The following PKHD1 variants were observed in gnomAD, a reference collection of about 807,000 sequenced individuals.
The protein encoded by PKHD1 is fibrocystin.
Under a neutral mutation model 412.0 loss-of-function variants are expected in PKHD1, and 291 were observed. That is an observed-to-expected ratio of 0.71 (90% CI 0.64 to 0.78). The LOEUF (loss-of-function observed/expected upper bound fraction) is 0.78. PKHD1 is among the 30% of genes least tolerant of loss of function. PKHD1 has a pLI of 0.00. For synonymous variants in PKHD1, 1,777 were observed against 1,821.5 expected, an observed-to-expected ratio of 0.98 and a Z score of 0.62; for missense variants, 4,825 against 4,950.7, an observed-to-expected ratio of 0.97 and a Z score of 0.76.
rs1174461021 is a variant in PKHD1, at chr6:52,082,558, G to C, written c.131-16C>G. The stretch of plus-strand genomic sequence containing the variant: ...AACTCCAAACCTAACACAAGGGAAA[G>C]AAATCTCAGGCTGCATAGAATTGTC... On this transcript the variant is annotated splice_polypyrimidine_tract_variant and intron_variant, in intron 3 of 66. Coordinates refer to ENST00000371117, the MANE Select transcript of PKHD1 (RefSeq NM_138694.4). 3.7e-6 allele frequency: 6 copies of C among 1,613,634 alleles called. No homozygotes were observed. Among genetic ancestry groups the C allele is most frequent in the Non-Finnish European group, 4.2e-6 (5 of 1,179,568 alleles).
chr6:51,998,325 A>C (rs1583804320), intron 35 of PKHD1, among the ~76,000 whole-genome samples: 2 of 152,192 alleles, frequency 1.3e-5, no homozygotes, highest in East Asian at 3.8e-4. Context: ...AAAGGCTGGG[A>C]AGGGAAGTGC....
intron 52 of PKHD1, among the ~76,000 whole-genome samples, chr6:51,798,591 G>T (rs2182506): frequency 0.59 from 89,740 of 151,832 alleles, 27,178 homozygotes; most frequent in East Asian, 0.83. Context: ...AATTTGATGA[G>T]TATGTGTCTA....
intron 37 of PKHD1, among the ~76,000 whole-genome samples, chr6:51,924,372 G>C (rs1785192997): frequency 6.6e-6 from 1 of 152,156 alleles, no homozygotes; most frequent in Admixed American, 6.5e-5. Context: ...AAGGGGGAGA[G>C]TTGAAAAACA....
intron 52 of PKHD1, among the ~76,000 whole-genome samples, chr6:51,800,434 GC>G (rs758106966): frequency 5.3e-5 from 8 of 152,182 alleles, no homozygotes; most frequent in African/African-American, 1.2e-4. Flanking sequence ...GCATTAACTA[GC>G]CTCAAGACCA....
intron 60 of PKHD1, among the ~76,000 whole-genome samples, chr6:51,667,107 G>C (rs112707776): frequency 0.087 from 12,834 of 146,884 alleles, 590 homozygotes; most frequent in East Asian, 0.13. Flanking sequence ...CTAGATCCCT[G>C]AGGAATCGCC....
At chr6:52,061,265 G>A (rs767221887) in intron 14 of PKHD1, among the ~76,000 whole-genome samples, 60 of 152,050 alleles carry the variant, frequency 3.9e-4, no homozygotes, top group African/African-American at 8.9e-4. Flanking sequence ...ATCATGGCTC[G>A]CTGCAGCCCT....
intron 43 of PKHD1, among the ~76,000 whole-genome samples, chr6:51,895,702 C>A (rs572343224): frequency 1.3e-5 from 2 of 152,122 alleles, no homozygotes; most frequent in Non-Finnish European, 2.9e-5. Context: ...GTCTACAGCT[C>A]CCAGTGTGAG....
chr6:51,888,417 A>T (rs937837715), intron 43 of PKHD1, among the ~76,000 whole-genome samples: 3 of 152,174 alleles, frequency 2.0e-5, no homozygotes, highest in East Asian at 3.9e-4. Context: ...AAGACAAATT[A>T]AAAAACTGAC....
rs148497044 is a variant in PKHD1, at chr6:51,906,336, A to G, written c.6687T>C (p.Ser2229=). Reference sequence around the variant, plus strand: ...TCCTCACTGTGCAGCCCTGTATGAAAGACTCTGAATAGGAAAGAGTAAAGT... The same window carrying G: ...TCCTCACTGTGCAGCCCTGTATGAAGGACTCTGAATAGGAAAGAGTAAAGT... ...SLTLVGAMRE[S]FIQGCTVRNS... is the part of the protein sequence containing the mutation. Residue 2229 remains serine (S), a synonymous_variant, in exon 41 of 67, where the codon TCT becomes TCC. Coordinates refer to ENST00000371117, the MANE Select transcript of PKHD1 (RefSeq NM_138694.4). 169 of 1,611,486 alleles carry G rather than the reference A, an allele frequency of 1.0e-4. No individual in the cohort carries two copies. Among genetic ancestry groups the G allele is most frequent in the Non-Finnish European group, 1.3e-4 (154 of 1,177,856 alleles).
rs1339962004 is a variant in PKHD1, at chr6:51,748,500, T to C, written c.9116A>G (p.Asn3039Ser). 2 of 1,613,992 alleles carry C rather than the reference T, an allele frequency of 1.2e-6. No individual in the cohort carries two copies. Among genetic ancestry groups the C allele is most frequent in the African/African-American group, 2.7e-5 (2 of 75,042 alleles). ...AGCTGTGCCAAACACAATATTGTCA[T>C]TTAAAAGTACTCCATGACTGGCAGC... ...HAAASHGVLL[N>S]DNIVFGTAGH... Residue 3039 changes from asparagine to serine, a missense_variant, in exon 58 of 67, where the codon AAT becomes AGT. Transcript: ENST00000371117.
chr6:51,739,156 A>G (rs561258846), intron 60 of PKHD1, among the ~76,000 whole-genome samples: 1 of 148,446 alleles, frequency 6.7e-6, no homozygotes, highest in South Asian at 2.1e-4. Flanking sequence ...ACACACATAT[A>G]AAATATACTC....
chr6:51,937,616 A>G (rs934518720), intron 36 of PKHD1, among the ~76,000 whole-genome samples: 2 of 152,198 alleles, frequency 1.3e-5, no homozygotes, highest in Non-Finnish European at 2.9e-5. Flanking sequence ...ATATGCCATC[A>G]GTAATAGTCA....
chr6:51,799,583 A>G (rs946361142), intron 52 of PKHD1, among the ~76,000 whole-genome samples: 2 of 152,200 alleles, frequency 1.3e-5, no homozygotes, highest in African/African-American at 4.8e-5. Flanking sequence ...CACATGCCAT[A>G]TAGAGATTTT....
chr6:51,803,863 C>T (rs929937680), intron 52 of PKHD1, among the ~76,000 whole-genome samples: 2 of 151,200 alleles, frequency 1.3e-5, no homozygotes, highest in African/African-American at 2.5e-5. Flanking sequence ...CCCATCACCA[C>T]GCCTGGCTAA....
In PKHD1 at chr6:52,076,166, T is replaced by A. The variant is rs929746413; in HGVS notation, c.448+110A>T. 11 of 766,704 alleles carry A rather than the reference T, an allele frequency of 1.4e-5. No homozygotes were observed. The African/African-American group carries it at 1.9e-4, about 13-fold the overall frequency. The allele number at this position is 766,704 out of a possible 1,614,324, so 47.5% of individuals were successfully genotyped here. On this transcript the variant is annotated intron_variant, in intron 6 of 66. Transcript: ENST00000371117. ...GTTGACTCTTATTTTCAAAACAGCA[T>A]CAAAGAAGAAGTTAAATTTTCCCAC...
At chr6:51,881,360 T>C (rs538767169) in intron 46 of PKHD1, among the ~76,000 whole-genome samples, 11 of 152,244 alleles carry the variant, frequency 7.2e-5, no homozygotes, top group African/African-American at 2.2e-4. Flanking sequence ...GCAGCCAAAA[T>C]CCACTTATTT....
intron 43 of PKHD1, among the ~76,000 whole-genome samples, chr6:51,890,487 A>G (rs956917414): frequency 6.6e-5 from 10 of 152,140 alleles, no homozygotes; most frequent in African/African-American, 2.4e-4. Flanking sequence ...GGGAAATTCC[A>G]GAGAGAAATT....
chr6:51,998,185 C>T (rs1446651186), intron 35 of PKHD1, among the ~76,000 whole-genome samples: 6 of 151,136 alleles, frequency 4.0e-5, no homozygotes, highest in Non-Finnish European at 5.9e-5. Context: ...ATGTTGAGGA[C>T]GTATGTTCAG....
chr6:51,787,170 C>T (rs1317767065), intron 53 of PKHD1, among the ~76,000 whole-genome samples: 1 of 152,058 alleles, frequency 6.6e-6, no homozygotes, highest in Non-Finnish European at 1.5e-5. Flanking sequence ...ACCAGCCTGG[C>T]CAACATGGTG....
Sources: gnomAD v4.1 joint callset for allele counts (sites outside exome capture counted in the v4.1 genomes callset) on GRCh38, gnomAD v4.1.1 for gene constraint, MANE v1.5 for transcripts, NCBI Gene and HGNC (gene_info 2026-07-23, HGNC 2026-07-21) for gene names.